The following KPNA7 variants were observed in gnomAD, a reference collection of about 807,000 sequenced individuals.
KPNA7 encodes the protein importin subunit alpha-8.
In KPNA7, 54 loss-of-function variants were observed where a neutral mutation model predicts 53.7. That is an observed-to-expected ratio of 1.01 (90% CI 0.81 to 1.26). The LOEUF is 1.26. Among genes scored for constraint, KPNA7 ranks in the 50% most tolerant of loss-of-function variants. KPNA7 has a pLI of 0.00. For synonymous variants in KPNA7, 276 were observed against 259.3 expected, an observed-to-expected ratio of 1.06 and a Z score of -0.62; for missense variants, 640 against 644.5, an observed-to-expected ratio of 0.99 and a Z score of 0.07.
In KPNA7 at chr7:99,193,021, GC is replaced by G; in HGVS notation, c.633del (p.Pro212ArgfsTer28). 6.7e-7 allele frequency: 1 copy of G among 1,496,786 alleles called. No individual in the cohort carries two copies. The highest frequency in any genetic ancestry group is 8.9e-7 in the Non-Finnish European group (1 of 1,125,366). The allele number at this position is 1,496,786 out of a possible 1,614,324, so 92.7% of individuals were successfully genotyped here. On this transcript the variant is annotated frameshift_variant, in exon 6 of 11. Coordinates refer to ENST00000327442, the MANE Select transcript of KPNA7 (RefSeq NM_001145715.3). LOFTEE classifies it high-confidence loss of function. ...PHLLALISPT[L>X]PITFLRNITW... ...AAGAGAAAGAAAAAGACACTTACCG[GC>G]AGGGTGGGTGAAATCAAGGCTAGGA... is the stretch of plus-strand genomic sequence containing the variant.
intron 2 of KPNA7, among the ~76,000 whole-genome samples, chr7:99,205,260 A>C (rs1230154236): frequency 4.0e-5 from 6 of 151,232 alleles, no homozygotes; most frequent in Non-Finnish European, 8.8e-5. Context: ...CATCTCTACC[A>C]AAATGCAAAA....
rs555539504 is a variant in KPNA7 at position 99,181,889 on chromosome 7, G to A, written c.1311C>T (p.Ile437=). 1.3e-6 allele frequency: 2 copies of A among 1,541,946 alleles called. No individual in the cohort carries two copies. The highest frequency in any genetic ancestry group is 2.7e-5 in the African/African-American group (2 of 72,818). The part of the protein sequence containing the change: ...VLIILDVISC[I]LQAAEKRSEK... ...CCTGTTCAGAACGGCTCACCTGGAG[G>A]ATGCAAGAGATGACATCAAGGATGA... The change falls in exon 9 of 11, where the codon ATC becomes ATT. Residue 437 remains isoleucine (I), a synonymous_variant. Transcript: ENST00000327442.
chr7:99,217,212 CCT>C (rs1312378588), intron 1 of KPNA7, among the ~76,000 whole-genome samples: 2 of 152,300 alleles, frequency 1.3e-5, no homozygotes, highest in South Asian at 2.1e-4. Context: ...AACTCACCAC[CCT>C]CTGTGTGCCC....
At chr7:99,214,279 A>C (rs986786911) in intron 1 of KPNA7, among the ~76,000 whole-genome samples, 17 of 112,056 alleles carry the variant, frequency 1.5e-4, no homozygotes, top group African/African-American at 4.6e-4. Flanking sequence ...AAAAATATAC[A>C]AAAAAAAAAA....
chr7:99,160,017 G>GTTTTTTTTTTTTTT, the KPNA7 span, among the ~76,000 whole-genome samples: 23 of 67,630 alleles, frequency 3.4e-4, no homozygotes, highest in East Asian at 9.5e-4. Context: ...TGTTGTTTTT[G>GTTTTTTTTTTTTTT]TTTTTTTTTT....
chr7:99,175,012 T>C lies in KPNA7; in HGVS notation c.1465-1218A>G, dbSNP rs557603321. Among the ~76,000 whole-genome samples the C allele has an allele frequency of 8.1e-4, 123 of 152,174 alleles. 1 individual carries two copies. Among genetic ancestry groups the C allele is most frequent in the African/African-American group, 2.9e-3 (119 of 41,522 alleles). ...TTTTAGTAGAGATGGAGTTTCACCA[T>C]GTTGGCCAGGCTGGTCTCGAACTCC... On this transcript the variant is annotated intron_variant, in intron 10 of 10. Transcript: ENST00000327442.
chr7:99,175,508 T>G, intron 10 of KPNA7, among the ~76,000 whole-genome samples: 1 of 139,426 alleles, frequency 7.2e-6, no homozygotes, highest in African/African-American at 2.6e-5. Flanking sequence ...TTTATTTATT[T>G]ATTTATTTAT....
chr7:99,177,800 T>A, intron 10 of KPNA7, 120 bp downstream of exon 10: 1 of 972,608 alleles, frequency 1.0e-6, no homozygotes, highest in South Asian at 1.7e-5. Context: ...GTGGCAGGAG[T>A]GAAGACCACC....
chr7:99,187,812 A>T lies in KPNA7; in HGVS notation c.900+488T>A, dbSNP rs1199063584. 3.0e-3 allele frequency among the ~76,000 whole-genome samples: 386 copies of T among 127,132 alleles called. 27 individuals carry two copies. The highest frequency in any genetic ancestry group is 8.3e-3 in the Middle Eastern group (2 of 240). The allele number at this position is 127,132 out of a possible 152,430, so 83.4% of individuals were successfully genotyped here. A position where few individuals can be genotyped will look rare whatever the true frequency, so the allele number is the denominator to read the frequency against. On this transcript the variant is annotated intron_variant, in intron 7 of 10. Transcript: ENST00000327442. ...GGCCTTTTTTTTTAAAAAAAAAAAA[A>T]AAAAAAAAAAAAAAAAAAAAAAACC... is the stretch of plus-strand genomic sequence containing the variant.
chr7:99,166,855 G>C, the KPNA7 span, among the ~76,000 whole-genome samples: 1 of 150,580 alleles, frequency 6.6e-6, no homozygotes, highest in African/African-American at 2.4e-5. Context: ...TCCTGACCTC[G>C]TGATCCACCA....
rs946613361 is a variant in KPNA7 at position 99,195,975 on chromosome 7, G to A, written c.284+109C>T. The A allele has an allele frequency of 8.0e-5, 65 of 807,738 alleles. 1 individual carries two copies. The South Asian group carries it at 8.9e-4, about 11-fold the overall frequency. The allele number at this position is 807,738 out of a possible 1,614,324, so 50.0% of individuals were successfully genotyped here. A position where few individuals can be genotyped will look rare whatever the true frequency, so the allele number is the denominator to read the frequency against. On this transcript the variant is annotated intron_variant, in intron 4 of 10. Coordinates refer to ENST00000327442, the MANE Select transcript of KPNA7 (RefSeq NM_001145715.3). ...GGGCTAGCCTTTTCCTGTGTTTTACGGGCATGTTGCCAATGCCAAGAAACC... is the reference window on the plus strand; with the variant it reads ...GGGCTAGCCTTTTCCTGTGTTTTACAGGCATGTTGCCAATGCCAAGAAACC...
At chr7:99,195,782 G>A (rs1010856846) in intron 4 of KPNA7, among the ~76,000 whole-genome samples, 2 of 152,142 alleles carry the variant, frequency 1.3e-5, no homozygotes, top group African/African-American at 4.8e-5. Context: ...GTGTTCAACC[G>A]ATAGCATTTT....
At chr7:99,202,121 T>C (rs2150766647) in intron 3 of KPNA7, among the ~76,000 whole-genome samples, 2 of 152,294 alleles carry the variant, frequency 1.3e-5, no homozygotes, top group South Asian at 4.1e-4. Context: ...TCAGAATGAC[T>C]GTACACATTT....
At chr7:99,160,017 GTTTT>G in the KPNA7 span, among the ~76,000 whole-genome samples, 53 of 67,630 alleles carry the variant, frequency 7.8e-4, no homozygotes, top group African/African-American at 2.4e-3. Flanking sequence ...TGTTGTTTTT[GTTTT>G]TTTTTTTTTT....
chr7:99,183,801 C>T (rs543656480), intron 8 of KPNA7, among the ~76,000 whole-genome samples: 1 of 152,262 alleles, frequency 6.6e-6, no homozygotes, highest in East Asian at 1.9e-4. Context: ...CAAGGATAGT[C>T]ATTGCTCCTG....
chr7:99,213,430 TAAAAAAAAAAAAA>T (rs61231738), intron 1 of KPNA7, among the ~76,000 whole-genome samples: 1 of 72,882 alleles, frequency 1.4e-5, no homozygotes, highest in African/African-American at 4.7e-5. Context: ...CCTGGCCTTT[TAAAAAAAAAAAAA>T]AAAAAAAAAA....
chr7:99,181,157 GTCTCTCTCTCCGTCTGTGTC>G (rs1563069403), intron 9 of KPNA7, among the ~76,000 whole-genome samples: 22 of 22,622 alleles, frequency 9.7e-4, no homozygotes, highest in African/African-American at 2.3e-3. Flanking sequence ...CTCCGTCTGT[GTCTCTCTCTCCGTCTGTGTC>G]TCTCTCTCCG....
chr7:99,184,862 TGAA>T, intron 8 of KPNA7, 64 bp downstream of exon 8: 3 of 1,321,242 alleles, frequency 2.3e-6, no homozygotes, highest in Non-Finnish European at 3.2e-6. Flanking sequence ...TCTGGATTCC[TGAA>T]GGAGTTCAAC....
intron 2 of KPNA7, 39 bp downstream of exon 2, chr7:99,207,362 C>A (rs1790865265): frequency 2.0e-6 from 3 of 1,534,802 alleles, no homozygotes; most frequent in Non-Finnish European, 1.8e-6. Flanking sequence ...GCAGATTGCA[C>A]TGGTCCCCAA....
Sources: allele counts gnomAD v4.1 joint callset (sites outside exome capture counted in the v4.1 genomes callset), GRCh38; gene constraint gnomAD v4.1.1; transcripts MANE v1.5; gene names NCBI Gene and HGNC (gene_info 2026-07-23, HGNC 2026-07-21).